Variants in SPNS2 observed in about 807,000 individuals in gnomAD.
SPNS2 encodes the protein SPNS lysolipid transporter 2, sphingosine-1-phosphate.
SPNS2 carries 37 observed loss-of-function variants against 57.6 expected under a neutral mutation model. The observed-to-expected ratio is 0.64, with a 90% CI of 0.49 to 0.85. The LOEUF (loss-of-function observed/expected upper bound fraction) is 0.85, where lower values mean the gene tolerates loss of function less well. Ranked by LOEUF, SPNS2 falls within the 40% of genes least tolerant of loss-of-function variation. The pLI is 0.00. For synonymous variants in SPNS2, 440 were observed against 346.9 expected (o/e 1.27, Z -2.98); for missense variants, 831 against 779.1 (o/e 1.07, Z -0.79).
At chr17:4,516,334 A>AC (rs1567590036) in intron 2 of SPNS2, among the ~76,000 whole-genome samples, 3 of 122,722 alleles carry the variant, frequency 2.4e-5, no homozygotes, top group African/African-American at 6.8e-5. Flanking sequence ...AAAAAAAAAA[A>AC]AAAAAAAAAC....
chr17:4,525,014 C>T (rs752949196), intron 2 of SPNS2, 43 bp from the exon 3 acceptor site: 65 of 1,599,340 alleles, frequency 4.1e-5, no homozygotes, highest in African/African-American at 1.1e-4. Flanking sequence ...GAGGCCGGGG[C>T]GCAGGGACCT....
intron 7 of SPNS2, 30 bp from the exon 8 acceptor site, chr17:4,533,213 C>G (rs747128774): frequency 6.3e-7 from 1 of 1,583,070 alleles, no homozygotes; most frequent in East Asian, 2.3e-5. Context: ...GCCGCCTCAA[C>G]TCGTGCGCCA....
At chr17:4,504,544 T>C (rs958798939) in intron 1 of SPNS2, among the ~76,000 whole-genome samples, 1 of 152,248 alleles carries the variant, frequency 6.6e-6, no homozygotes, top group African/African-American at 2.4e-5. Flanking sequence ...TGATAGCCTG[T>C]TCTGAGAGGG....
At chr17:4,520,149 TTAGA>T (rs1197642887) in intron 2 of SPNS2, among the ~76,000 whole-genome samples, 1 of 152,160 alleles carries the variant, frequency 6.6e-6, no homozygotes. Context: ...ACCTCAGCTG[TTAGA>T]TAGGGATGGA....
intron 11 of SPNS2, chr17:4,536,641 GGTTT>G: frequency 1.4e-6 from 1 of 690,554 alleles, no homozygotes; most frequent in Non-Finnish European, 2.4e-6. Context: ...TCCAGACTTG[GGTTT>G]GTCTCTGGAC....
intron 1 of SPNS2, 75 bp from the exon 2 acceptor site, chr17:4,513,172 G>T: frequency 2.0e-6 from 3 of 1,534,680 alleles, no homozygotes; most frequent in Non-Finnish European, 2.7e-6. Flanking sequence ...TGCAAGGCGG[G>T]AAAGAGGCTG....
chr17:4,531,501 G>A (rs1163041525), intron 5 of SPNS2, among the ~76,000 whole-genome samples: 1 of 152,212 alleles, frequency 6.6e-6, no homozygotes, highest in African/African-American at 2.4e-5. Context: ...AGACCTCTGT[G>A]TGGGGGCCCC....
At chr17:4,513,836 G>T (rs892592245) in intron 2 of SPNS2, among the ~76,000 whole-genome samples, 2 of 152,246 alleles carry the variant, frequency 1.3e-5, no homozygotes, top group African/African-American at 4.8e-5. Context: ...AGGCGCCTGA[G>T]AATCTGGGCC....
chr17:4,534,436 C>T (rs748124758), intron 9 of SPNS2: 11 of 164,836 alleles, frequency 6.7e-5, no homozygotes, highest in Middle Eastern at 3.2e-3. Flanking sequence ...GTGAGTGTGA[C>T]ACTTGGTCCT....
At chr17:4,527,966 G>C (rs1905305379) in intron 3 of SPNS2, among the ~76,000 whole-genome samples, 1 of 147,556 alleles carries the variant, frequency 6.8e-6, no homozygotes, top group South Asian at 2.2e-4. Context: ...AAAAAAAAAG[G>C]AAGCAATCTA....
In SPNS2 at chr17:4,532,980, C is replaced by A; in HGVS notation, c.939C>A (p.Arg313=). 2 of 1,611,022 alleles carry A rather than the reference C, an allele frequency of 1.2e-6. No individual in the cohort carries two copies. The highest frequency in any genetic ancestry group is 1.7e-6 in the Non-Finnish European group (2 of 1,178,662). The change falls in exon 7 of 13, where the codon CGC becomes CGA. Residue 313 remains arginine (R), a synonymous_variant. Coordinates refer to ENST00000329078, the MANE Select transcript of SPNS2 (RefSeq NM_001124758.3). The part of the protein sequence containing the change: ...LRDMKALIRN[R]SYVFSSLATS... Reference sequence around the variant, plus strand: ...TCACTGCCTGGCCTCTCCCCAGCCGCAGCTACGTCTTCTCCTCCCTGGCCA... The same window carrying A: ...TCACTGCCTGGCCTCTCCCCAGCCGAAGCTACGTCTTCTCCTCCCTGGCCA...
At chr17:4,503,724 G>GCAGCCTGGGC (rs1197513846) in intron 1 of SPNS2, among the ~76,000 whole-genome samples, 2 of 152,232 alleles carry the variant, frequency 1.3e-5, no homozygotes, top group African/African-American at 4.8e-5. Flanking sequence ...CCAGCCTGGG[G>GCAGCCTGGGC]CAGCCTGGGC....
rs1009761065 is a variant in SPNS2, at chr17:4,532,967, C to T, written c.936-10C>T. On this transcript the variant is annotated splice_polypyrimidine_tract_variant and intron_variant, in intron 6 of 12. Coordinates refer to ENST00000329078, the MANE Select transcript of SPNS2 (RefSeq NM_001124758.3). Reference sequence around the variant, plus strand: ...CCTGAGCTCAGTGTCACTGCCTGGCCTCTCCCCAGCCGCAGCTACGTCTTC... The same window carrying T: ...CCTGAGCTCAGTGTCACTGCCTGGCTTCTCCCCAGCCGCAGCTACGTCTTC... 6.8e-6 allele frequency: 11 copies of T among 1,607,456 alleles called. No homozygotes were observed. In the African/African-American group the frequency reaches 1.3e-4, roughly 20 times the overall value.
At position 4,529,361 on chromosome 17, in the gene SPNS2, C is replaced by T. The variant is rs567855488; in HGVS notation, c.574-1271C>T. Among the ~76,000 whole-genome samples, 38 of 152,094 alleles carry T rather than the reference C, an allele frequency of 2.5e-4. No individual in the cohort carries two copies. The East Asian group carries it at 4.5e-3, about 18-fold the overall frequency. ...TCCTAAAGTGCTGGGATTATAGGCACGAGCCCCCATGCCCAGCCTCATGTT... is the reference window on the plus strand; with the variant it reads ...TCCTAAAGTGCTGGGATTATAGGCATGAGCCCCCATGCCCAGCCTCATGTT... On this transcript the variant is annotated intron_variant, in intron 3 of 12. Transcript: ENST00000329078.
intron 1 of SPNS2, among the ~76,000 whole-genome samples, chr17:4,500,581 A>G (rs905786721): frequency 9.0e-6 from 1 of 110,614 alleles, no homozygotes; most frequent in Admixed American, 8.5e-5. Flanking sequence ...GAGCTATCAA[A>G]CACACACACA....
chr17:4,533,853 G>A lies in SPNS2; in HGVS notation c.1344G>A (p.Met448Ile). The change falls in exon 9 of 13, where the codon ATG becomes ATA. Residue 448 changes from methionine to isoleucine, a missense_variant and splice_region_variant. By Grantham distance (10) the Met-to-Ile change is conservative (BLOSUM62 1). Transcript: ENST00000329078. ...GGGCCATCACTGCAGACATCCTCAT[G>A]GTGAGCCAGGCAGGCCGAGGTCACC... Reference protein sequence around the residue: ...SNWAITADILMYVVIPTRRAT... With the variant: ...SNWAITADILIYVVIPTRRAT... 1.9e-6 allele frequency: 3 copies of A among 1,612,942 alleles called. No homozygotes were observed. Among genetic ancestry groups the A allele is most frequent in the East Asian group, 2.2e-5 (1 of 44,878 alleles).
chr17:4,536,718 CCTCTTTA>C (rs569876542), intron 11 of SPNS2, 175 bp from the exon 12 acceptor site: 3 of 643,566 alleles, frequency 4.7e-6, no homozygotes, highest in South Asian at 1.8e-5. Flanking sequence ...TTTCTCCTTT[CCTCTTTA>C]CTCCTCTCTC....
rs1242200049 is a variant in SPNS2 at position 4,533,089 on chromosome 17, G to A, written c.1048G>A (p.Ala350Thr). The stretch of plus-strand genomic sequence containing the variant: ...CCGCGCCCAAGTTGTGCAGAAGACA[G>A]CAGAGACGTGCAACAGCCCGCCCTG... Reference protein sequence around the residue: ...LHRAQVVQKTAETCNSPPCGA... With the variant: ...LHRAQVVQKTTETCNSPPCGA... The change falls in exon 7 of 13, where the codon GCA (alanine) becomes ACA (threonine). Residue 350 changes from alanine (A) to threonine (T), a missense_variant. Coordinates refer to ENST00000329078, the MANE Select transcript of SPNS2 (RefSeq NM_001124758.3). 2.5e-6 allele frequency: 4 copies of A among 1,612,856 alleles called. No individual in the cohort carries two copies. In the Admixed American group the frequency reaches 5.0e-5, roughly 20 times the overall value.
At chr17:4,536,740 C>A in intron 11 of SPNS2, 160 bp from the exon 12 acceptor site, 1 of 678,156 alleles carries the variant, frequency 1.5e-6, no homozygotes. Flanking sequence ...TCTCTCTCTC[C>A]TCTCCCCACC....
Sources: allele counts gnomAD v4.1 joint callset (sites outside exome capture counted in the v4.1 genomes callset), GRCh38; gene constraint gnomAD v4.1.1; transcripts MANE v1.5; gene names NCBI Gene and HGNC (gene_info 2026-07-23, HGNC 2026-07-21).